NUP133: variants seen among roughly 807,000 people sequenced by gnomAD.
NUP133 encodes the protein nuclear pore complex protein Nup133.
In NUP133, 66 loss-of-function variants were observed where a neutral mutation model predicts 146.2. That is an observed-to-expected ratio of 0.45 (90% CI 0.37 to 0.55). The LOEUF is 0.55. Ranked by LOEUF, NUP133 falls within the 20% of genes least tolerant of loss-of-function variation. NUP133 has a pLI of 0.00. For missense variants in NUP133, 1,277 were observed against 1,374.8 expected (o/e 0.93, Z 1.12); for synonymous variants, 521 against 498.8 (o/e 1.04, Z -0.59).
chr1:229,500,948 T>G, intron 3 of NUP133, 85 bp from the exon 4 acceptor site: 1 of 775,824 alleles, frequency 1.3e-6, no homozygotes, highest in East Asian at 2.7e-5. Flanking sequence ...CTGCATATTT[T>G]AGATTCTGAC....
chr1:229,487,725 T>A (rs1210205620), intron 9 of NUP133, 112 bp from the exon 10 acceptor site: 6 of 860,056 alleles, frequency 7.0e-6, no homozygotes, highest in Admixed American at 3.0e-5. Context: ...ACCAATTCTC[T>A]TTGTAAAAAT....
chr1:229,452,726 C>A (rs1660481852), intron 21 of NUP133, 83 bp from the exon 22 acceptor site: 3 of 1,037,792 alleles, frequency 2.9e-6, no homozygotes, highest in Admixed American at 4.8e-5. Flanking sequence ...TAAAACAAAT[C>A]TGAATTTTAA....
intron 14 of NUP133, among the ~76,000 whole-genome samples, chr1:229,475,121 TAAAAC>T (rs1300949470): frequency 3.3e-5 from 5 of 151,052 alleles, no homozygotes; most frequent in Non-Finnish European, 5.9e-5. Flanking sequence ...AATAAATAAA[TAAAAC>T]AAACAAACAA....
intron 19 of NUP133, among the ~76,000 whole-genome samples, chr1:229,462,073 G>A (rs915588683): frequency 2.0e-5 from 3 of 152,128 alleles, no homozygotes; most frequent in Non-Finnish European, 2.9e-5. Context: ...TAGAAGAGAC[G>A]GGGTTTTGCC....
intron 15 of NUP133, among the ~76,000 whole-genome samples, chr1:229,469,165 A>G (rs1216758314): frequency 6.6e-6 from 1 of 152,242 alleles, no homozygotes; most frequent in Non-Finnish European, 1.5e-5. Flanking sequence ...CAAATTTCAC[A>G]GAGCTCAGGG....
At chr1:229,488,185 T>C (rs1661409192) in intron 9 of NUP133, among the ~76,000 whole-genome samples, 1 of 152,144 alleles carries the variant, frequency 6.6e-6, no homozygotes, top group African/African-American at 2.4e-5. Flanking sequence ...TTGGAAAACA[T>C]TTCCATGATG....
At chr1:229,495,398 A>G (rs562742856) in intron 8 of NUP133, 97 bp downstream of exon 8, 33 of 813,236 alleles carry the variant, frequency 4.1e-5, no homozygotes, top group Middle Eastern at 7.0e-4. Flanking sequence ...CTCCAAAGAA[A>G]GAGCACATAG....
chr1:229,462,149 G>T (rs919011013), intron 19 of NUP133, among the ~76,000 whole-genome samples: 1 of 152,206 alleles, frequency 6.6e-6, no homozygotes, highest in African/African-American at 2.4e-5. Context: ...CTCCCAAAGT[G>T]CTGGGATTAC....
intron 9 of NUP133, among the ~76,000 whole-genome samples, chr1:229,488,677 CAAAA>C (rs377154071): frequency 7.6e-6 from 1 of 132,260 alleles, no homozygotes. Context: ...GAGTAAGGAT[CAAAA>C]AAAAAAAAAA....
intron 14 of NUP133, among the ~76,000 whole-genome samples, chr1:229,472,143 C>G (rs940914315): frequency 3.3e-5 from 5 of 151,326 alleles, no homozygotes; most frequent in African/African-American, 1.2e-4. Context: ...AACAGTGAAA[C>G]CCCGTCTCTA....
At chr1:229,499,173 T>C in intron 5 of NUP133, 3 of 470,104 alleles carry the variant, frequency 6.4e-6, no homozygotes, top group South Asian at 3.1e-5. Context: ...GTGGTGAGAC[T>C]GCACGCATGA....
chr1:229,446,278 G>A (rs1571902754), intron 24 of NUP133, among the ~76,000 whole-genome samples: 2 of 151,744 alleles, frequency 1.3e-5, no homozygotes, highest in South Asian at 2.1e-4. Context: ...GCGTGGTGGC[G>A]CATGCCTGTA....
chr1:229,465,614 A>C, intron 16 of NUP133, 95 bp from the exon 17 acceptor site: 1 of 937,424 alleles, frequency 1.1e-6, no homozygotes. Flanking sequence ...TTAGTAAGAA[A>C]AAATACTCAG....
intron 8 of NUP133, among the ~76,000 whole-genome samples, chr1:229,494,747 T>TG (rs1457116093): frequency 6.6e-6 from 1 of 152,200 alleles, no homozygotes; most frequent in African/African-American, 2.4e-5. Flanking sequence ...GACAAAGCCT[T>TG]ATCCCATCCT....
chr1:229,482,540 C>T (rs926184741), intron 12 of NUP133, among the ~76,000 whole-genome samples: 1 of 152,144 alleles, frequency 6.6e-6, no homozygotes, highest in Non-Finnish European at 1.5e-5. Context: ...AGTATTTATT[C>T]AAATGTGAAT....
At position 229,498,354 on chromosome 1, in the gene NUP133, A is replaced by T. The variant is rs202048506; in HGVS notation, c.649-48T>A. The T allele has an allele frequency of 1.1e-4, 144 of 1,353,398 alleles. No homozygotes were observed. In the African/African-American group the frequency reaches 2.0e-3, roughly 19 times the overall value. 83.8% of individuals were successfully genotyped at this position (1,353,398 alleles called of 1,614,324 possible). A position where few individuals can be genotyped will look rare whatever the true frequency, so the allele number is the denominator to read the frequency against. On this transcript the variant is annotated intron_variant, in intron 5 of 25. Coordinates refer to ENST00000261396, the MANE Select transcript of NUP133 (RefSeq NM_018230.3). ...TAGTTCAGTTTAGCATCGAATGCTA[A>T]GATAAAATGAAAAATTCTTTGATAC...
intron 21 of NUP133, among the ~76,000 whole-genome samples, chr1:229,457,451 TA>T (rs1313127276): frequency 7.2e-5 from 11 of 152,260 alleles, no homozygotes; most frequent in Non-Finnish European, 1.6e-4. Context: ...CTCCCTTATA[TA>T]AAAACGGTAG....
intron 8 of NUP133, among the ~76,000 whole-genome samples, chr1:229,490,935 A>G (rs990344736): frequency 6.7e-6 from 1 of 148,692 alleles, no homozygotes; most frequent in Non-Finnish European, 1.5e-5. Flanking sequence ...TGGGCGATAG[A>G]GTGACACCCC....
chr1:229,452,957 A>G (rs1459777768), intron 21 of NUP133, among the ~76,000 whole-genome samples: 6 of 152,194 alleles, frequency 3.9e-5, no homozygotes, highest in Non-Finnish European at 5.9e-5. Flanking sequence ...TTCATGAGGT[A>G]TAAGCTTCCT....
Sources: allele counts gnomAD v4.1 joint callset (sites outside exome capture counted in the v4.1 genomes callset), GRCh38; gene constraint gnomAD v4.1.1; transcripts MANE v1.5; gene names NCBI Gene and HGNC (gene_info 2026-07-23, HGNC 2026-07-21).